The following SLC20A2 variants were observed in gnomAD, a reference collection of about 807,000 sequenced individuals.
The protein encoded by SLC20A2 is solute carrier family 20 member 2, also known as sodium-dependent phosphate transporter 2.
In SLC20A2, 30 loss-of-function variants were observed where a neutral mutation model predicts 61.0. That is an observed-to-expected ratio of 0.49 (90% CI 0.37 to 0.67). SLC20A2 has a LOEUF of 0.67. Ranked by LOEUF, SLC20A2 falls within the 30% of genes least tolerant of loss-of-function variation. The probability of loss-of-function intolerance (pLI) is 0.00; values close to 1 mark genes in which losing one functional copy is unlikely to be tolerated. For synonymous variants in SLC20A2, 351 were observed against 353.3 expected (o/e 0.99, Z 0.07); for missense variants, 626 against 866.4 (o/e 0.72, Z 3.48).
intron 8 of SLC20A2, among the ~76,000 whole-genome samples, chr8:42,436,159 C>A (rs1408199632): frequency 6.6e-6 from 1 of 152,020 alleles, no homozygotes; most frequent in Non-Finnish European, 1.5e-5. Flanking sequence ...CTCCTAGCGT[C>A]CTGGTTCAGC....
intron 1 of SLC20A2, among the ~76,000 whole-genome samples, chr8:42,506,464 G>GGGCCATTA: frequency 6.6e-6 from 1 of 152,278 alleles, no homozygotes; most frequent in African/African-American, 2.4e-5. Context: ...TAAACGGCCG[G>GGGCCATTA]GGCCATTATG....
chr8:42,436,547 C>G (rs554231378), intron 8 of SLC20A2, among the ~76,000 whole-genome samples: 10 of 152,322 alleles, frequency 6.6e-5, no homozygotes, highest in East Asian at 5.8e-4. Flanking sequence ...CACAGCTCCA[C>G]GGCTCCCCTC....
chr8:42,454,005 T>G (rs117090524), intron 5 of SLC20A2, among the ~76,000 whole-genome samples: 3,581 of 152,100 alleles, frequency 0.024, 48 homozygotes, highest in African/African-American at 0.039. Context: ...TTGGTATCAT[T>G]TTTTTTGTTT....
At chr8:42,466,317 C>T (rs940905986) in intron 2 of SLC20A2, among the ~76,000 whole-genome samples, 5 of 152,174 alleles carry the variant, frequency 3.3e-5, no homozygotes, top group Admixed American at 6.5e-5. Context: ...AACCCCTAAC[C>T]TCAAGTGATC....
intron 3 of SLC20A2, among the ~76,000 whole-genome samples, chr8:42,464,090 A>ATTTTTTTT (rs1563488008): frequency 7.5e-4 from 15 of 20,022 alleles, no homozygotes; most frequent in Admixed American, 9.5e-4. Context: ...AGGCTGGATG[A>ATTTTTTTT]TCTTTTTTTT....
chr8:42,498,754 G>A (rs1810124623), intron 1 of SLC20A2, among the ~76,000 whole-genome samples: 1 of 152,010 alleles, frequency 6.6e-6, no homozygotes, highest in African/African-American at 2.4e-5. Context: ...AGCCTCTTCC[G>A]ACAAGATTTC....
chr8:42,457,073 G>C (rs907900277), intron 5 of SLC20A2, among the ~76,000 whole-genome samples: 1 of 151,750 alleles, frequency 6.6e-6, no homozygotes, highest in Non-Finnish European at 1.5e-5. Flanking sequence ...ACAGGTGCCC[G>C]CCACCATGAC....
At chr8:42,441,957 G>A (rs1804820247) in intron 6 of SLC20A2, among the ~76,000 whole-genome samples, 1 of 146,212 alleles carries the variant, frequency 6.8e-6, no homozygotes, top group Non-Finnish European at 1.5e-5. Flanking sequence ...TTTTTGAGAT[G>A]GAGTTTTGCT....
At chr8:42,459,415 G>C (rs1806527439) in intron 5 of SLC20A2, among the ~76,000 whole-genome samples, 2 of 152,120 alleles carry the variant, frequency 1.3e-5, no homozygotes, top group Non-Finnish European at 2.9e-5. Context: ...ACTCTGTGCT[G>C]TGAACGGCTT....
chr8:42,493,543 T>C (rs1809683497), intron 1 of SLC20A2, among the ~76,000 whole-genome samples: 2 of 152,196 alleles, frequency 1.3e-5, no homozygotes, highest in Non-Finnish European at 2.9e-5. Flanking sequence ...GAAATTTTAA[T>C]GGATAATCAT....
intron 1 of SLC20A2, among the ~76,000 whole-genome samples, chr8:42,493,805 T>A (rs1422378075): frequency 6.6e-6 from 1 of 152,182 alleles, no homozygotes; most frequent in Non-Finnish European, 1.5e-5. Flanking sequence ...CCAAAAGCCA[T>A]GATCCCAAGT....
chr8:42,418,334 T>G (rs1802813277), intron 10 of SLC20A2, among the ~76,000 whole-genome samples: 1 of 151,932 alleles, frequency 6.6e-6, no homozygotes, highest in Non-Finnish European at 1.5e-5. Flanking sequence ...CCTTGGCTAA[T>G]TTTCATATTT....
Position 42,436,965 on chromosome 8 carries a change from G to C in SLC20A2, c.1523+24C>G, listed in dbSNP as rs139150595. The stretch of plus-strand genomic sequence containing the variant: ...TGGCGGAGCCTCAAGGACCCTTGTT[G>C]AATGAATGAATGAAAGCACCCACCT... On this transcript the variant is annotated intron_variant, in intron 8 of 10. Coordinates refer to ENST00000520262, the MANE Select transcript of SLC20A2 (RefSeq NM_001257180.2). 4,125 of 1,562,742 alleles carry C rather than the reference G, an allele frequency of 2.6e-3. 12 individuals are homozygous for C. The highest frequency in any genetic ancestry group is 3.3e-3 in the Non-Finnish European group (3,780 of 1,151,070).
intron 1 of SLC20A2, among the ~76,000 whole-genome samples, chr8:42,493,674 G>A (rs1381822800): frequency 6.6e-6 from 1 of 152,168 alleles, no homozygotes; most frequent in African/African-American, 2.4e-5. Flanking sequence ...AGATTATAGA[G>A]TTTGTTAAGA....
chr8:42,485,413 G>T (rs145659246), intron 1 of SLC20A2, among the ~76,000 whole-genome samples: 2 of 151,910 alleles, frequency 1.3e-5, no homozygotes, highest in Non-Finnish European at 2.9e-5. Context: ...AGGTCGAGGC[G>T]GGTGAATCGC....
At chr8:42,440,038 C>G (rs930064382) in intron 6 of SLC20A2, among the ~76,000 whole-genome samples, 4 of 151,570 alleles carry the variant, frequency 2.6e-5, no homozygotes, top group Non-Finnish European at 5.9e-5. Flanking sequence ...TGAGCCAAGA[C>G]TGCGCCACTG....
At chr8:42,539,941 T>C (rs965429814) in intron 1 of SLC20A2, among the ~76,000 whole-genome samples, 5 of 152,198 alleles carry the variant, frequency 3.3e-5, no homozygotes, top group African/African-American at 1.2e-4. Flanking sequence ...ATTTACTCTA[T>C]GGGTAACATT....
At chr8:42,529,035 C>T (rs567837445) in intron 1 of SLC20A2, among the ~76,000 whole-genome samples, 31 of 151,702 alleles carry the variant, frequency 2.0e-4, no homozygotes, top group Admixed American at 3.3e-4. Flanking sequence ...AGTGCAGTGG[C>T]GTGATCGTAC....
intron 1 of SLC20A2, among the ~76,000 whole-genome samples, chr8:42,473,400 C>T (rs561762533): frequency 1.3e-5 from 2 of 152,256 alleles, no homozygotes; most frequent in African/African-American, 4.8e-5. Flanking sequence ...GCCCTGGTGT[C>T]ACTGTCCCCT....
Sources: allele counts gnomAD v4.1 joint callset (sites outside exome capture counted in the v4.1 genomes callset), GRCh38; gene constraint gnomAD v4.1.1; transcripts MANE v1.5; gene names NCBI Gene and HGNC (gene_info 2026-07-23, HGNC 2026-07-21).